The following SGPL1 variants were observed in gnomAD, a reference collection of about 807,000 sequenced individuals.
SGPL1 encodes the protein SP-lyase 1.
Under a neutral mutation model 68.9 loss-of-function variants are expected in SGPL1, and 37 were observed. That is an observed-to-expected ratio of 0.54 (90% CI 0.41 to 0.71). SGPL1 has a LOEUF of 0.71. SGPL1 is among the 30% of genes least tolerant of loss of function. The pLI, the probability that SGPL1 is intolerant of heterozygous loss-of-function variation, is 0.00. For synonymous variants in SGPL1, 236 were observed against 248.5 expected (o/e 0.95, Z 0.47); for missense variants, 551 against 704.6 (o/e 0.78, Z 2.47).
chr10:70,835,277 G>A (rs1031735920), intron 2 of SGPL1, among the ~76,000 whole-genome samples: 1 of 152,178 alleles, frequency 6.6e-6, no homozygotes, highest in Non-Finnish European at 1.5e-5. Flanking sequence ...TGGTACCATA[G>A]AGAGTTCATA....
intron 8 of SGPL1, 76 bp from the exon 9 acceptor site, chr10:70,869,716 A>G: frequency 1.9e-6 from 2 of 1,075,908 alleles, no homozygotes; most frequent in Non-Finnish European, 2.8e-6. Context: ...ACTCCCGGTA[A>G]TTTAGATTAG....
intron 2 of SGPL1, among the ~76,000 whole-genome samples, chr10:70,830,088 G>C (rs1564618442): frequency 6.6e-6 from 1 of 152,054 alleles, no homozygotes; most frequent in African/African-American, 2.4e-5. Context: ...AACTTTTTCA[G>C]AAGGCCTTTT....
chr10:70,845,947 C>G (rs1845785845), intron 3 of SGPL1, among the ~76,000 whole-genome samples: 2 of 152,154 alleles, frequency 1.3e-5, no homozygotes, highest in Non-Finnish European at 2.9e-5. Context: ...TTCTCTTGTT[C>G]AAGGAAAGTC....
chr10:70,844,609 GGGGA>G lies in SGPL1; in HGVS notation c.165_168del (p.Trp55CysfsTer37). 1 of 1,614,048 alleles carries G rather than the reference GGGGA, an allele frequency of 6.2e-7. No individual in the cohort carries two copies. Among genetic ancestry groups the G allele is most frequent in the Non-Finnish European group, 8.5e-7 (1 of 1,180,010 alleles). On this transcript the variant is annotated frameshift_variant, in exon 3 of 15. Transcript: ENST00000373202. LOFTEE classifies it high-confidence loss of function. ...GTCGTGTGGACCCTGCTGATAGTCT[GGGGA>G]TATGAGTTTGTCTTCCAGCCAGAGA... is the stretch of plus-strand genomic sequence containing the variant.
At chr10:70,868,242 C>A in intron 7 of SGPL1, 103 bp from the exon 8 acceptor site, 1 of 874,416 alleles carries the variant, frequency 1.1e-6, no homozygotes, top group Non-Finnish European at 1.8e-6. Context: ...AGCATGCATC[C>A]AAGACCTTAT....
chr10:70,828,924 T>A (rs1307362714), intron 2 of SGPL1, among the ~76,000 whole-genome samples: 1 of 152,136 alleles, frequency 6.6e-6, no homozygotes, highest in Non-Finnish European at 1.5e-5. Flanking sequence ...AATTGGAAAT[T>A]CTGTTTTCAC....
At chr10:70,859,985 GT>G (rs527558753) in intron 7 of SGPL1, among the ~76,000 whole-genome samples, 83 of 152,180 alleles carry the variant, frequency 5.5e-4, no homozygotes, top group African/African-American at 2.0e-3. Flanking sequence ...ATCCAGCAGT[GT>G]TTTTAGTGTA....
intron 2 of SGPL1, among the ~76,000 whole-genome samples, chr10:70,823,720 A>T (rs1288920820): frequency 5.3e-5 from 8 of 149,660 alleles, no homozygotes; most frequent in Non-Finnish European, 8.9e-5. Flanking sequence ...TCTTTTAAAA[A>T]TTTTTCATAA....
intron 2 of SGPL1, among the ~76,000 whole-genome samples, chr10:70,817,220 T>A (rs1477178453): frequency 6.6e-6 from 1 of 152,160 alleles, no homozygotes; most frequent in Non-Finnish European, 1.5e-5. Context: ...GGGTTCTCCA[T>A]GTTGGCCAGG....
intron 7 of SGPL1, among the ~76,000 whole-genome samples, chr10:70,861,827 C>T (rs1455234928): frequency 6.6e-6 from 1 of 152,180 alleles, no homozygotes; most frequent in Non-Finnish European, 1.5e-5. Context: ...CCAGTAGTGC[C>T]GGCCTACCGG....
intron 7 of SGPL1, among the ~76,000 whole-genome samples, chr10:70,862,693 T>A (rs1425681606): frequency 6.6e-6 from 1 of 151,898 alleles, no homozygotes; most frequent in African/African-American, 2.4e-5. Flanking sequence ...ACGCGCTGCC[T>A]TAAGAGCTGT....
chr10:70,872,041 T>TAGTC, intron 11 of SGPL1, 55 bp downstream of exon 11: 2 of 1,533,012 alleles, frequency 1.3e-6, no homozygotes, highest in Non-Finnish European at 1.8e-6. Flanking sequence ...CTATTATTGA[T>TAGTC]AAAATAAATT....
At chr10:70,862,484 C>G (rs1359577915) in intron 7 of SGPL1, among the ~76,000 whole-genome samples, 2 of 152,134 alleles carry the variant, frequency 1.3e-5, no homozygotes, top group Non-Finnish European at 2.9e-5. Flanking sequence ...GCTGCCAGAG[C>G]AAGCAGTGGC....
At position 70,841,994 on chromosome 10, in the gene SGPL1, T is replaced by C. The variant is rs146864039; in HGVS notation, c.28-2479T>C. 8.8e-3 allele frequency among the ~76,000 whole-genome samples: 1,344 copies of C among 152,264 alleles called. 23 individuals carry two copies. Among genetic ancestry groups the C allele is most frequent in the African/African-American group, 0.03 (1,264 of 41,562 alleles). The stretch of plus-strand genomic sequence containing the variant: ...ACACCCGAAAAAATTACTCACATAC[T>C]TAAAAATCCATGCCTTTTGTTTTGT... On this transcript the variant is annotated intron_variant, in intron 2 of 14. Coordinates refer to ENST00000373202, the MANE Select transcript of SGPL1 (RefSeq NM_003901.4).
intron 2 of SGPL1, among the ~76,000 whole-genome samples, chr10:70,828,978 G>T (rs930938180): frequency 3.3e-5 from 5 of 152,100 alleles, no homozygotes; most frequent in African/African-American, 1.2e-4. Flanking sequence ...CCTGAAGGGC[G>T]CTGGGGAGGG....
intron 2 of SGPL1, among the ~76,000 whole-genome samples, chr10:70,823,908 A>G (rs1253198418): frequency 2.0e-5 from 3 of 152,214 alleles, no homozygotes; most frequent in African/African-American, 2.4e-5. Flanking sequence ...TGATATGTCT[A>G]TAGGGAAAGC....
chr10:70,831,149 T>C (rs923936188), intron 2 of SGPL1, among the ~76,000 whole-genome samples: 1 of 152,064 alleles, frequency 6.6e-6, no homozygotes, highest in Non-Finnish European at 1.5e-5. Context: ...CAGAATCTGG[T>C]AACCCGGAGG....
At chr10:70,824,978 T>TTTA (rs1437017164) in intron 2 of SGPL1, among the ~76,000 whole-genome samples, 1 of 151,360 alleles carries the variant, frequency 6.6e-6, no homozygotes, top group Non-Finnish European at 1.5e-5. Context: ...CTTTTTTTTT[T>TTTA]TTTTTGAGAC....
intron 2 of SGPL1, among the ~76,000 whole-genome samples, chr10:70,833,509 G>T (rs1249872708): frequency 6.6e-6 from 1 of 152,188 alleles, no homozygotes; most frequent in African/African-American, 2.4e-5. Flanking sequence ...CTTTGGGGTT[G>T]TGATGTGTTT....
Sources: gnomAD v4.1 joint callset for allele counts (sites outside exome capture counted in the v4.1 genomes callset) on GRCh38, gnomAD v4.1.1 for gene constraint, MANE v1.5 for transcripts, NCBI Gene and HGNC (gene_info 2026-07-23, HGNC 2026-07-21) for gene names.